Variants in XNDC1N observed in about 807,000 individuals in gnomAD.
XNDC1N encodes the protein protein XNDC1N.
chr11:71,905,642 T>C, the XNDC1N span, among the ~76,000 whole-genome samples: 4 of 151,908 alleles, frequency 2.6e-5, no homozygotes, highest in Non-Finnish European at 5.9e-5. Flanking sequence ...TCACAGAGTG[T>C]ACACACATGG....
chr11:71,878,508 C>A, the XNDC1N span: 1 of 1,610,418 alleles, frequency 6.2e-7, no homozygotes, highest in Non-Finnish European at 8.5e-7. Context: ...ACAGTTCCTC[C>A]AAGTAAGGCA....
At chr11:71,919,141 G>A in the XNDC1N span, 5 of 632,642 alleles carry the variant, frequency 7.9e-6, no homozygotes, top group Non-Finnish European at 1.4e-5. Context: ...TAACATGATA[G>A]AAAAGGCACC....
chr11:71,900,024 GTT>G, the XNDC1N span, among the ~76,000 whole-genome samples: 1 of 152,262 alleles, frequency 6.6e-6, no homozygotes, highest in Non-Finnish European at 1.5e-5. Context: ...CCACTGAGAT[GTT>G]TGGGTGGAGA....
chr11:71,907,367 G>A, the XNDC1N span, among the ~76,000 whole-genome samples: 1 of 151,704 alleles, frequency 6.6e-6, no homozygotes, highest in Admixed American at 6.5e-5. Flanking sequence ...CCGCGATGCG[G>A]GGAGTAAGAG....
chr11:71,869,999 G>A, the XNDC1N span, among the ~76,000 whole-genome samples: 1 of 152,168 alleles, frequency 6.6e-6, no homozygotes, highest in African/African-American at 2.4e-5. Flanking sequence ...TTGTTAGGCT[G>A]GGGAGGCCTA....
chr11:71,917,642 C>T, the XNDC1N span: 5,535 of 703,434 alleles, frequency 7.9e-3, 159 homozygotes, highest in African/African-American at 0.075. Context: ...ATGCGGACCC[C>T]GGAGCGGTTC....
At chr11:71,887,023 G>A in the XNDC1N span, among the ~76,000 whole-genome samples, 1 of 152,138 alleles carries the variant, frequency 6.6e-6, no homozygotes, top group South Asian at 2.1e-4. Context: ...CTCAGAGCAG[G>A]AGGCCCCGGA....
the XNDC1N span, chr11:71,917,778 T>TG: frequency 1.4e-6 from 1 of 703,134 alleles, no homozygotes; most frequent in African/African-American, 1.7e-5. Flanking sequence ...CACAGTTACC[T>TG]GGGGACAAAA....
At chr11:71,916,566 C>T in the XNDC1N span, 3 of 267,822 alleles carry the variant, frequency 1.1e-5, no homozygotes, top group East Asian at 2.2e-4. Flanking sequence ...GAAGAAGTTA[C>T]CTGCAGAGTA....
the XNDC1N span, among the ~76,000 whole-genome samples, chr11:71,875,113 C>A: frequency 6.6e-6 from 1 of 151,720 alleles, no homozygotes; most frequent in African/African-American, 2.4e-5. Context: ...CAATGCCCAA[C>A]AATGAAAGGA....
the XNDC1N span, among the ~76,000 whole-genome samples, chr11:71,911,881 T>C: frequency 6.6e-6 from 1 of 152,158 alleles, no homozygotes; most frequent in African/African-American, 2.4e-5. Context: ...CTTCTGGGCA[T>C]CAGTGCTCCC....
chr11:71,884,553 A>C, the XNDC1N span: 2 of 1,602,692 alleles, frequency 1.2e-6, no homozygotes, highest in East Asian at 4.5e-5. Context: ...TGGACAAAAG[A>C]AGTGGTGAAA....
the XNDC1N span, among the ~76,000 whole-genome samples, chr11:71,866,849 T>C: frequency 0.19 from 28,527 of 152,022 alleles, 4,897 homozygotes; most frequent in African/African-American, 0.45. Flanking sequence ...TTTAGAAGTT[T>C]GTTTTGTTCT....
chr11:71,906,635 G>A, the XNDC1N span, among the ~76,000 whole-genome samples: 2 of 152,112 alleles, frequency 1.3e-5, no homozygotes, highest in Non-Finnish European at 2.9e-5. Flanking sequence ...CATGCCCTGT[G>A]ACCTTAGTAG....
chr11:71,928,153 T>G, the XNDC1N span: 1 of 375,340 alleles, frequency 2.7e-6, no homozygotes, highest in Non-Finnish European at 4.9e-6. Flanking sequence ...TGTGCCGAGG[T>G]GTGTGAACTG....
chr11:71,872,003 A>G, the XNDC1N span, among the ~76,000 whole-genome samples: 4 of 152,350 alleles, frequency 2.6e-5, no homozygotes, highest in Non-Finnish European at 4.4e-5. Flanking sequence ...TAATGATACT[A>G]TTCTTAGGTT....
the XNDC1N span, among the ~76,000 whole-genome samples, chr11:71,920,832 C>A: frequency 2.0e-5 from 3 of 152,182 alleles, no homozygotes; most frequent in Non-Finnish European, 4.4e-5. Flanking sequence ...GTCAAAATTT[C>A]TTTCCTTCTG....
the XNDC1N span, among the ~76,000 whole-genome samples, chr11:71,890,045 G>A: frequency 1.2e-4 from 19 of 152,194 alleles, no homozygotes; most frequent in African/African-American, 3.6e-4. Flanking sequence ...GCAGCCTCCC[G>A]GCCTCAGAGT....
the XNDC1N span, among the ~76,000 whole-genome samples, chr11:71,894,908 C>A: frequency 6.6e-6 from 1 of 152,218 alleles, no homozygotes; most frequent in Admixed American, 6.5e-5. Context: ...TACTGTACAT[C>A]AAATTCATAT....
Sources: gnomAD v4.1 joint callset for allele counts (sites outside exome capture counted in the v4.1 genomes callset) on GRCh38, gnomAD v4.1.1 for gene constraint, MANE v1.5 for transcripts, NCBI Gene and HGNC (gene_info 2026-07-23, HGNC 2026-07-21) for gene names.